The following GABRB1 variants were observed in gnomAD, a reference collection of about 807,000 sequenced individuals.
GABRB1 encodes the protein gamma-aminobutyric acid receptor subunit beta-1.
A neutral mutation model predicts 51.6 loss-of-function variants in GABRB1; 17 were observed. That is an observed-to-expected ratio of 0.33 (90% CI 0.23 to 0.49). GABRB1 has a LOEUF of 0.49. Among genes scored for constraint, GABRB1 ranks in the 20% least tolerant of loss-of-function variants. The probability of loss-of-function intolerance (pLI) is 0.99; values close to 1 mark genes in which losing one functional copy is unlikely to be tolerated. For synonymous variants in GABRB1, 247 were observed against 218.9 expected, an observed-to-expected ratio of 1.13 and a Z score of -1.14; for missense variants, 410 against 600.6, an observed-to-expected ratio of 0.68 and a Z score of 3.32.
At chr4:47,297,990 T>C (rs1724077909) in intron 4 of GABRB1, among the ~76,000 whole-genome samples, 2 of 152,090 alleles carry the variant, frequency 1.3e-5, no homozygotes, top group African/African-American at 4.8e-5. Context: ...AGACAAAAAC[T>C]ACATGATTAT....
rs555947258 is a variant in GABRB1, at chr4:47,132,152, A to G, written c.241-29097A>G. 9.8e-4 allele frequency among the ~76,000 whole-genome samples: 150 copies of G among 152,318 alleles called. 1 individual carries two copies. The highest frequency in any genetic ancestry group is 1.5e-3 in the Admixed American group (23 of 15,292). ...CACTGCATTGGGCTCATTTCACTAG[A>G]AAGCGTCATTCAGATTGAATTTCTC... On this transcript the variant is annotated intron_variant, in intron 3 of 8. Coordinates refer to ENST00000295454, the MANE Select transcript of GABRB1 (RefSeq NM_000812.4).
At chr4:47,379,669 T>G (rs1727526576) in intron 5 of GABRB1, among the ~76,000 whole-genome samples, 1 of 152,232 alleles carries the variant, frequency 6.6e-6, no homozygotes, top group Non-Finnish European at 1.5e-5. Flanking sequence ...TATGAGGTTG[T>G]TCTTTTACAT....
intron 4 of GABRB1, among the ~76,000 whole-genome samples, chr4:47,248,828 T>TA (rs960399321): frequency 3.3e-5 from 5 of 152,082 alleles, no homozygotes; most frequent in African/African-American, 1.2e-4. Flanking sequence ...TGGTCTTTCG[T>TA]ATTGCAGTGG....
At chr4:47,249,873 T>C (rs974443188) in intron 4 of GABRB1, among the ~76,000 whole-genome samples, 1 of 152,220 alleles carries the variant, frequency 6.6e-6, no homozygotes, top group African/African-American at 2.4e-5. Context: ...GGTGAGTTCT[T>C]ATCCATTCTG....
At chr4:47,150,265 A>T (rs1032854381) in intron 3 of GABRB1, among the ~76,000 whole-genome samples, 12 of 148,392 alleles carry the variant, frequency 8.1e-5, no homozygotes, top group African/African-American at 2.7e-4. Flanking sequence ...ACAAAAGCCA[A>T]GCTATCTATG....
intron 4 of GABRB1, among the ~76,000 whole-genome samples, chr4:47,282,902 C>T (rs2109909904): frequency 6.6e-6 from 1 of 152,242 alleles, no homozygotes; most frequent in Middle Eastern, 3.4e-3. Context: ...CAATATGACA[C>T]TCAGTGGAGA....
At chr4:47,203,353 C>T (rs911316761) in intron 4 of GABRB1, among the ~76,000 whole-genome samples, 1 of 151,712 alleles carries the variant, frequency 6.6e-6, no homozygotes, top group Admixed American at 6.6e-5. Flanking sequence ...TCACATTCAT[C>T]GGTCAAATGC....
intron 5 of GABRB1, among the ~76,000 whole-genome samples, chr4:47,348,703 G>A (rs1455905899): frequency 2.0e-5 from 3 of 152,182 alleles, no homozygotes; most frequent in Non-Finnish European, 2.9e-5. Context: ...GAATAGTGGA[G>A]CATTGAAGAT....
rs1359807735 is a variant in GABRB1, at chr4:47,173,761, ATCCTACATATCGTTAGCTGATTTGCTT to A, written c.461+12294_461+12320del. Among the ~76,000 whole-genome samples the A allele has an allele frequency of 2.0e-5, 3 of 152,076 alleles. 1 individual carries two copies. ...CCCTGTTCTCTCTTCTTCCTGTTGT[ATCCTACATATCGTTAGCTGATTTGCTT>A]TTCTAAAGTGCAATTTCATCACACT... On this transcript the variant is annotated intron_variant, in intron 4 of 8. Transcript: ENST00000295454.
At chr4:47,233,268 T>C (rs1215301566) in intron 4 of GABRB1, among the ~76,000 whole-genome samples, 2 of 152,184 alleles carry the variant, frequency 1.3e-5, no homozygotes, top group Admixed American at 6.5e-5. Context: ...AGAGTTACTT[T>C]TCTATAAAAT....
intron 3 of GABRB1, among the ~76,000 whole-genome samples, chr4:47,097,571 C>G (rs1714508327): frequency 6.6e-6 from 1 of 152,154 alleles, no homozygotes; most frequent in Non-Finnish European, 1.5e-5. Flanking sequence ...CATTATCTTT[C>G]TCTCTCCATG....
chr4:47,312,492 T>C (rs1269180027), intron 4 of GABRB1, among the ~76,000 whole-genome samples: 6 of 152,196 alleles, frequency 3.9e-5, no homozygotes, highest in Non-Finnish European at 8.8e-5. Flanking sequence ...TTTCTTTGTG[T>C]AATGTAACTA....
intron 3 of GABRB1, among the ~76,000 whole-genome samples, chr4:47,142,705 T>TAACTATATAATTC (rs1716985492): frequency 6.6e-6 from 1 of 151,840 alleles, no homozygotes; most frequent in Non-Finnish European, 1.5e-5. Context: ...TACATCTGAA[T>TAACTATATAATTC]TGAATTTAGA....
intron 4 of GABRB1, among the ~76,000 whole-genome samples, chr4:47,290,903 A>G (rs370916538): frequency 6.6e-6 from 1 of 152,138 alleles, no homozygotes; most frequent in South Asian, 2.1e-4. Context: ...AAGTTTAGAA[A>G]ATTTGCAGCC....
chr4:47,152,377 A>T (rs904090791), intron 3 of GABRB1, among the ~76,000 whole-genome samples: 3 of 151,998 alleles, frequency 2.0e-5, no homozygotes, highest in African/African-American at 7.2e-5. Flanking sequence ...CCTTTCAGGA[A>T]CTCAGAATCT....
At chr4:47,026,891 T>TTTTCTA (rs1725112349), upstream of GABRB1, among the ~76,000 whole-genome samples, 1 of 152,066 alleles carries the variant, frequency 6.6e-6, no homozygotes, top group Non-Finnish European at 1.5e-5. Context: ...GAATGTAAAC[T>TTTTCTA]GTCATTAGAC....
At chr4:47,183,508 T>C (rs13146076) in intron 4 of GABRB1, among the ~76,000 whole-genome samples, 105,626 of 151,130 alleles carry the variant, frequency 0.7, 37,707 homozygotes, top group Middle Eastern at 0.86. Context: ...TTCTGTCTTC[T>C]GGACCTGTGA....
chr4:47,423,812 T>A (rs1053898480), intron 8 of GABRB1, among the ~76,000 whole-genome samples: 1 of 152,244 alleles, frequency 6.6e-6, no homozygotes, highest in Non-Finnish European at 1.5e-5. Context: ...TTGGTTTTCC[T>A]GTCTGCTGAA....
intron 5 of GABRB1, among the ~76,000 whole-genome samples, chr4:47,360,437 A>G (rs1400550908): frequency 2.0e-5 from 3 of 151,958 alleles, no homozygotes; most frequent in African/African-American, 4.8e-5. Flanking sequence ...GAAATAGCCA[A>G]TTTCCTACAA....
Sources: allele counts gnomAD v4.1 joint callset (sites outside exome capture counted in the v4.1 genomes callset), GRCh38; gene constraint gnomAD v4.1.1; transcripts MANE v1.5; gene names NCBI Gene and HGNC (gene_info 2026-07-23, HGNC 2026-07-21).